Variants in CBR4 observed in about 807,000 individuals in gnomAD.
The protein encoded by CBR4 is 3-oxoacyl-[acyl-carrier-protein] reductase.
A neutral mutation model predicts 21.0 loss-of-function variants in CBR4; 22 were observed. That is an observed-to-expected ratio of 1.05 (90% confidence interval 0.75 to 1.50). The LOEUF (loss-of-function observed/expected upper bound fraction) is 1.50. Among genes scored for constraint, CBR4 ranks in the 40% most tolerant of loss-of-function variants. CBR4 has a pLI of 0.00. For synonymous variants in CBR4, 100 were observed against 104.4 expected, an observed-to-expected ratio of 0.96 and a Z score of 0.26; for missense variants, 302 against 286.3, an observed-to-expected ratio of 1.05 and a Z score of -0.40.
intron 2 of CBR4, among the ~76,000 whole-genome samples, chr4:168,919,975 G>T (rs1761104187): frequency 6.6e-6 from 1 of 151,806 alleles, no homozygotes; most frequent in Non-Finnish European, 1.5e-5. Context: ...TGGTTTGAGA[G>T]TACGCGTGCT....
chr4:168,912,273 G>C (rs1291666549), intron 2 of CBR4, among the ~76,000 whole-genome samples: 1 of 152,138 alleles, frequency 6.6e-6, no homozygotes, highest in Non-Finnish European at 1.5e-5. Context: ...AAGTGCATGA[G>C]GGCTTCTCAT....
chr4:168,912,782 A>G (rs1759253811), intron 2 of CBR4, among the ~76,000 whole-genome samples: 1 of 152,204 alleles, frequency 6.6e-6, no homozygotes, highest in African/African-American at 2.4e-5. Flanking sequence ...AATTATTGTT[A>G]TCCTACAGTG....
At chr4:168,960,503 G>T (rs1450477676) in intron 2 of CBR4, among the ~76,000 whole-genome samples, 2 of 152,122 alleles carry the variant, frequency 1.3e-5, no homozygotes, top group Non-Finnish European at 2.9e-5. Context: ...CATTCAGATA[G>T]AAGAAATACA....
In CBR4 at chr4:168,951,135, G is replaced by A. The variant is rs113622099; in HGVS notation, n.169+50936C>T. Among the ~76,000 whole-genome samples the A allele has an allele frequency of 9.4e-4, 143 of 151,840 alleles. 1 individual carries two copies. The highest frequency in any genetic ancestry group is 3.3e-3 in the African/African-American group (138 of 41,392). On this transcript the variant is annotated intron_variant and non_coding_transcript_variant, in intron 2 of 3. Transcript: ENST00000509108. ...GTGCAGTGGTGCAATCTTGGCTCAC[G>A]GCAACCTCCACCTCCCAGGTACAAG... is the stretch of plus-strand genomic sequence containing the variant.
At chr4:168,961,425 C>T (rs1192990832) in intron 2 of CBR4, among the ~76,000 whole-genome samples, 3 of 151,856 alleles carry the variant, frequency 2.0e-5, no homozygotes, top group African/African-American at 7.3e-5. Context: ...ATGCTTTATC[C>T]AAAAGAATCT....
downstream of CBR4, chr4:168,987,572 A>C (rs1764731834): frequency 1.2e-6 from 1 of 821,348 alleles, no homozygotes; most frequent in Non-Finnish European, 1.5e-6. Context: ...AGAGAAAGAT[A>C]AAATTAACAT....
intron 2 of CBR4, among the ~76,000 whole-genome samples, chr4:168,979,388 A>C (rs1179165504): frequency 6.6e-6 from 1 of 151,912 alleles, no homozygotes; most frequent in Admixed American, 6.6e-5. Context: ...ATAGAAAAGC[A>C]ACCAGACTGT....
intron 2 of CBR4, among the ~76,000 whole-genome samples, chr4:168,958,981 T>A (rs932115373): frequency 8.5e-5 from 13 of 152,168 alleles, no homozygotes; most frequent in African/African-American, 3.1e-4. Context: ...ACCTAGTCTG[T>A]GACTTTCTTT....
chr4:168,969,992 A>C (rs566666491), intron 2 of CBR4, among the ~76,000 whole-genome samples: 1 of 152,300 alleles, frequency 6.6e-6, no homozygotes, highest in South Asian at 2.1e-4. Context: ...CTTGATTTGC[A>C]TATCTCTAGT....
At chr4:168,900,327 A>G (rs1274523817) in intron 2 of CBR4, among the ~76,000 whole-genome samples, 1 of 152,214 alleles carries the variant, frequency 6.6e-6, no homozygotes, top group African/African-American at 2.4e-5. Context: ...GAAAAACAGA[A>G]GGCCAAGTAT....
intron 4 of CBR4, 94 bp from the exon 5 acceptor site, chr4:168,990,422 A>G (rs1764858600): frequency 1.6e-6 from 2 of 1,241,778 alleles, no homozygotes; most frequent in South Asian, 4.4e-5. Flanking sequence ...TGAAAATTTT[A>G]ATTTGAAATT....
At position 168,922,100 on chromosome 4, in the gene CBR4, TATACACAC is replaced by T. The variant is rs1282213110; in HGVS notation, n.170-27343_170-27336del. Reference sequence around the variant, plus strand: ...AGTTTTATATTTATATATATATATATATACACACACACACACACACACACACACACACA... The same window carrying T: ...AGTTTTATATTTATATATATATATATACACACACACACACACACACACACA... On this transcript the variant is annotated intron_variant and non_coding_transcript_variant, in intron 2 of 3. Coordinates refer to the CBR4 transcript ENST00000509108. Among the ~76,000 whole-genome samples, 824 of 96,588 alleles carry T rather than the reference TATACACAC, an allele frequency of 8.5e-3. 3 individuals carry two copies. The highest frequency in any genetic ancestry group is 0.024 in the African/African-American group (679 of 28,014). 63.4% of individuals were successfully genotyped at this position (96,588 alleles called of 152,430 possible).
At chr4:168,980,784 T>A (rs886170799) in intron 2 of CBR4, among the ~76,000 whole-genome samples, 1 of 152,014 alleles carries the variant, frequency 6.6e-6, no homozygotes, top group Non-Finnish European at 1.5e-5. Flanking sequence ...TCTGAAAACA[T>A]CCAGAAATGA....
downstream of CBR4, among the ~76,000 whole-genome samples, chr4:168,984,372 G>C (rs953985665): frequency 1.2e-4 from 18 of 151,668 alleles, no homozygotes; most frequent in Admixed American, 1.1e-3. Flanking sequence ...TCTACAATGA[G>C]AATTATAACA....
chr4:168,938,937 C>T (rs1052424022), intron 2 of CBR4, among the ~76,000 whole-genome samples: 1 of 152,182 alleles, frequency 6.6e-6, no homozygotes, highest in African/African-American at 2.4e-5. Context: ...TCCTCCCTAA[C>T]TCATTTTATG....
intron 2 of CBR4, among the ~76,000 whole-genome samples, chr4:168,977,770 C>T (rs980082914): frequency 2.6e-5 from 4 of 152,152 alleles, no homozygotes; most frequent in East Asian, 1.9e-4. Context: ...GTGTTTTTTG[C>T]GAATGGCGCC....
At chr4:168,967,288 T>C (rs566359335) in intron 2 of CBR4, among the ~76,000 whole-genome samples, 8 of 151,836 alleles carry the variant, frequency 5.3e-5, no homozygotes, top group East Asian at 1.9e-4. Context: ...TTCTCACTCA[T>C]AGGTGGGAGT....
intron 2 of CBR4, chr4:168,926,101 A>T: frequency 1.2e-6 from 1 of 824,166 alleles, no homozygotes; most frequent in Non-Finnish European, 1.8e-6. Flanking sequence ...TCTACCATGG[A>T]TGTGTTCAGG....
chr4:169,007,860 T>C (rs997177445), intron 1 of CBR4, 104 bp from the exon 2 acceptor site: 17 of 743,734 alleles, frequency 2.3e-5, no homozygotes, highest in African/African-American at 3.7e-5. Flanking sequence ...TGTGCTAATC[T>C]AGAACCTAAA....
Sources: gnomAD v4.1 joint callset for allele counts (sites outside exome capture counted in the v4.1 genomes callset) on GRCh38, gnomAD v4.1.1 for gene constraint, MANE v1.5 for transcripts, NCBI Gene and HGNC (gene_info 2026-07-23, HGNC 2026-07-21) for gene names.